POU3F1: variants seen among roughly 807,000 people sequenced by gnomAD.
POU3F1 encodes the protein POU domain, class 3, transcription factor 1.
POU3F1 carries 1 observed loss-of-function variant against 7.6 expected under a neutral mutation model. The observed-to-expected ratio is 0.13, with a 90% CI of 0.05 to 0.62. The LOEUF (loss-of-function observed/expected upper bound fraction) is 0.62. Ranked by LOEUF, POU3F1 falls within the 20% of genes least tolerant of loss-of-function variation. The pLI, the probability that POU3F1 is intolerant of heterozygous loss-of-function variation, is 0.87. For synonymous variants in POU3F1, 354 were observed against 339.0 expected, an observed-to-expected ratio of 1.04 and a Z score of -0.49; for missense variants, 505 against 679.3, an observed-to-expected ratio of 0.74 and a Z score of 2.85.
In POU3F1 at chr1:38,046,655, G is replaced by GCCT. The variant is rs1211966780; in HGVS notation, c.88_89insAGG (p.Ala29_Ala30insGlu). The GCCT allele has an allele frequency of 1.5e-6, 2 of 1,298,470 alleles. No individual in the cohort carries two copies. The highest frequency in any genetic ancestry group is 2.0e-6 in the Non-Finnish European group (2 of 1,021,368). The allele number at this position is 1,298,470 out of a possible 1,614,324, so 80.4% of individuals were successfully genotyped here. A position where few individuals can be genotyped will look rare whatever the true frequency, so the allele number is the denominator to read the frequency against. On this transcript the variant is annotated inframe_insertion, in exon 1 of 1. Coordinates refer to ENST00000373012, the MANE Select transcript of POU3F1 (RefSeq NM_002699.4). The surrounding 1 kb of genome is among the most constrained non-coding windows in gnomAD (Gnocchi z 9.5). ...CTCCGCGGCCGCCGCCGCCGCCGCC[G>GCCT]CCGCCGCGGCGTCCGGGTGCATAAG...
In POU3F1 at chr1:38,046,414, T is replaced by C; in HGVS notation, c.330A>G (p.Gly110=). The change falls in exon 1 of 1, where the codon GGA becomes GGG. Residue 110 remains glycine (G), a synonymous_variant. Transcript: ENST00000373012. This position sits in a 1 kb window ranked among gnomAD's most constrained non-coding sequence, Gnocchi z 9.5. ...GGTGCACCAGGCGCGCGTGGAAACCTCCGCCGCCGCCGCCGTCGTCGGCTC... is the reference window on the plus strand; with the variant it reads ...GGTGCACCAGGCGCGCGTGGAAACCCCCGCCGCCGCCGCCGTCGTCGGCTC... ...TGRADDGGGG[G]GFHARLVHQG... is the part of the protein sequence containing the mutation. 1 of 1,277,308 alleles carries C rather than the reference T, an allele frequency of 7.8e-7. No homozygotes were observed. The highest frequency in any genetic ancestry group is 9.9e-7 in the Non-Finnish European group (1 of 1,015,140). The allele number at this position is 1,277,308 out of a possible 1,614,324, so 79.1% of individuals were successfully genotyped here.
In POU3F1 at chr1:38,045,739, C is replaced by T. The variant is rs781035484; in HGVS notation, c.1005G>A (p.Ala335=). 1.2e-6 allele frequency: 2 copies of T among 1,613,412 alleles called. No individual in the cohort carries two copies. Among genetic ancestry groups the T allele is most frequent in the Non-Finnish European group, 1.7e-6 (2 of 1,179,782 alleles). ...GSPTNLDKIA[A]QGRKRKKRTS... ...TGCGCTTCTTGCGCTTGCGGCCCTG[C>T]GCCGCGATCTTGTCCAGGTTGGTGG... The change falls in exon 1 of 1, where the codon GCG becomes GCA. Residue 335 remains alanine (A), a synonymous_variant. Coordinates refer to ENST00000373012, the MANE Select transcript of POU3F1 (RefSeq NM_002699.4). This position sits in a 1 kb window ranked among gnomAD's most constrained non-coding sequence, Gnocchi z 9.4.
Position 38,046,612 on chromosome 1 carries a change from G to T in POU3F1, c.132C>A (p.Ala44=). 7.3e-7 allele frequency: 1 copy of T among 1,367,412 alleles called. No homozygotes were observed. Among genetic ancestry groups the T allele is most frequent in the Non-Finnish European group, 9.5e-7 (1 of 1,054,172 alleles). The allele number at this position is 1,367,412 out of a possible 1,614,324, so 84.7% of individuals were successfully genotyped here. Residue 44 remains alanine, a synonymous_variant, in exon 1 of 1, where the codon GCC becomes GCA. Transcript: ENST00000373012. This position sits in a 1 kb window ranked among gnomAD's most constrained non-coding sequence, Gnocchi z 9.5. ...TCAGCTTCTGCACTTCGCGGTACGC[G>T]GCCCCTGCATGCAATCGCTCCGCGG... is the stretch of plus-strand genomic sequence containing the variant. ...AAAAERLHAG[A]AYREVQKLMH...
rs1234699323 is a variant in POU3F1 at position 38,046,630 on chromosome 1, C to A, written c.114G>T (p.Glu38Asp). ...GGTACGCGGCCCCTGCATGCAATCGCTCCGCGGCCGCCGCCGCCGCCGCCG... is the reference window on the plus strand; with the variant it reads ...GGTACGCGGCCCCTGCATGCAATCGATCCGCGGCCGCCGCCGCCGCCGCCG... ...AAAAAAAAAA[E>D]RLHAGAAYRE... The change falls in exon 1 of 1, where the codon GAG becomes GAT. Residue 38 changes from glutamate (E) to aspartate (D), a missense_variant. Glu to Asp is a conservative substitution (Grantham distance 45). Around this residue, in one of 5 missense-constraint regions of POU3F1, gnomAD observed 361 missense variants for 382.1 expected, o/e 0.94. Coordinates refer to ENST00000373012, the MANE Select transcript of POU3F1 (RefSeq NM_002699.4). This position sits in a 1 kb window ranked among gnomAD's most constrained non-coding sequence, Gnocchi z 9.5. The A allele has an allele frequency of 7.5e-7, 1 of 1,335,624 alleles. No homozygotes were observed. The highest frequency in any genetic ancestry group is 9.6e-7 in the Non-Finnish European group (1 of 1,038,978). 82.7% of individuals were successfully genotyped at this position (1,335,624 alleles called of 1,614,324 possible). A position where few individuals can be genotyped will look rare whatever the true frequency, so the allele number is the denominator to read the frequency against.
rs950813442 is a variant in POU3F1, at chr1:38,044,262, C to T, written c.*1126G>A. ...CCCCAAACTTGGGGAATTTCTCTCC[C>T]GGCCTCCCCTGGCATCCCGCATCCC... On this transcript the variant is annotated 3_prime_UTR_variant, in exon 1 of 1. Coordinates refer to ENST00000373012, the MANE Select transcript of POU3F1 (RefSeq NM_002699.4). Among the ~76,000 whole-genome samples, 6 of 152,290 alleles carry T rather than the reference C, an allele frequency of 3.9e-5. No individual in the cohort carries two copies. Among genetic ancestry groups the T allele is most frequent in the Non-Finnish European group, 7.3e-5 (5 of 68,054 alleles).
Position 38,044,742 on chromosome 1 carries a change from CG to C in POU3F1, c.*645del, listed in dbSNP as rs1646848665. On this transcript the variant is annotated 3_prime_UTR_variant, in exon 1 of 1. Coordinates refer to ENST00000373012, the MANE Select transcript of POU3F1 (RefSeq NM_002699.4). ...TCTCGCGACCTCCCCTCCGGGGCCC[CG>C]ATAAATACAGTATACTGCGATTTAA... 1 of 152,182 alleles carries C rather than the reference CG, an allele frequency of 6.6e-6. No homozygotes were observed. The highest frequency in any genetic ancestry group is 2.4e-5 in the African/African-American group (1 of 41,368). The allele number at this position is 152,182 out of a possible 1,614,324, so 9.4% of individuals were successfully genotyped here.
chr1:38,046,435 G>C lies in POU3F1; in HGVS notation c.309C>G (p.Ala103=). Residue 103 remains alanine (A), a synonymous_variant, in exon 1 of 1, where the codon GCC becomes GCG. Coordinates refer to ENST00000373012, the MANE Select transcript of POU3F1 (RefSeq NM_002699.4). The surrounding 1 kb of genome is among the most constrained non-coding windows in gnomAD (Gnocchi z 9.5). ...AACCTCCGCCGCCGCCGCCGTCGTC[G>C]GCTCGGCCGGTGCCGCCGCCGCCTG... is the stretch of plus-strand genomic sequence containing the variant. ...GKAGGGGTGR[A]DDGGGGGGFH... The C allele has an allele frequency of 7.7e-7, 1 of 1,301,096 alleles. No individual in the cohort carries two copies. The highest frequency in any genetic ancestry group is 3.7e-5 in the Admixed American group (1 of 27,226). 80.6% of individuals were successfully genotyped at this position (1,301,096 alleles called of 1,614,324 possible).
Position 38,045,922 on chromosome 1 carries a change from G to A in POU3F1, c.822C>T (p.Ala274=). Residue 274 remains alanine, a synonymous_variant, in exon 1 of 1, where the codon GCC becomes GCT. Coordinates refer to ENST00000373012, the MANE Select transcript of POU3F1 (RefSeq NM_002699.4). The surrounding 1 kb of genome is among the most constrained non-coding windows in gnomAD (Gnocchi z 9.4). ...GCGTGCCCAGCGCCAGCCCCACGTC[G>A]GCCTGCGTAAAGCCCAGCTTGATGC... ...QRRIKLGFTQ[A]DVGLALGTLY... 17 of 1,613,596 alleles carry A rather than the reference G, an allele frequency of 1.1e-5. No homozygotes were observed. Among genetic ancestry groups the A allele is most frequent in the Non-Finnish European group, 1.3e-5 (15 of 1,179,972 alleles).
At position 38,046,211 on chromosome 1, in the gene POU3F1, G is replaced by A; in HGVS notation, c.533C>T (p.Ala178Val). The part of the protein sequence containing the change: ...GGGGLAGMLA[A>V]GGGGAGPGLH... ...GCCCGGCCCCGCGCCGCCACCGCCC[G>A]CCGCCAGCATCCCGGCCAGGCCGCC... Residue 178 changes from alanine (A) to valine (V), a missense_variant, in exon 1 of 1, where the codon GCG becomes GTG. By Grantham distance (64) the Ala-to-Val change is moderately conservative. Coordinates refer to ENST00000373012, the MANE Select transcript of POU3F1 (RefSeq NM_002699.4). This position sits in a 1 kb window ranked among gnomAD's most constrained non-coding sequence, Gnocchi z 9.5. 1 of 1,089,044 alleles carries A rather than the reference G, an allele frequency of 9.2e-7. No homozygotes were observed. The highest frequency in any genetic ancestry group is 1.1e-6 in the Non-Finnish European group (1 of 901,984). 67.5% of individuals were successfully genotyped at this position (1,089,044 alleles called of 1,614,324 possible).
Position 38,046,758 on chromosome 1 carries a change from T to TGCGCC in POU3F1, c.-20_-16dup, listed in dbSNP as rs1049457983. 45 of 980,496 alleles carry TGCGCC rather than the reference T, an allele frequency of 4.6e-5. No individual in the cohort carries two copies. In the Admixed American group the frequency reaches 1.6e-3, roughly 35 times the overall value. 60.7% of individuals were successfully genotyped at this position (980,496 alleles called of 1,614,324 possible). ...GTGGTGGCCATGCCGCCCCGCGCCC[T>TGCGCC]GCGCCGCGCCGCCGCCGCCGCTCCG... On this transcript the variant is annotated 5_prime_UTR_variant, in exon 1 of 1. Coordinates refer to ENST00000373012, the MANE Select transcript of POU3F1 (RefSeq NM_002699.4). This position sits in a 1 kb window ranked among gnomAD's most constrained non-coding sequence, Gnocchi z 9.5.
Position 38,045,473 on chromosome 1 carries a change from G to A in POU3F1, c.1271C>T (p.Ala424Val), listed in dbSNP as rs1296901726. ...CGGTGGGGGCGCGGAGGGTGGCGAT[G>A]CGCCGCCCCCGCCAGGCCCTAGCTC... ...PGELGPGGGG[A>V]SPPSAPPPPP... Residue 424 changes from alanine to valine, a missense_variant, in exon 1 of 1, where the codon GCA becomes GTA. Physicochemically the swap from Ala to Val is moderately conservative, Grantham distance 64. Transcript: ENST00000373012. This position sits in a 1 kb window ranked among gnomAD's most constrained non-coding sequence, Gnocchi z 9.4. The A allele has an allele frequency of 6.8e-7, 1 of 1,467,322 alleles. No homozygotes were observed. The highest frequency in any genetic ancestry group is 1.4e-5 in the South Asian group (1 of 70,860). The allele number at this position is 1,467,322 out of a possible 1,614,324, so 90.9% of individuals were successfully genotyped here. A position where few individuals can be genotyped will look rare whatever the true frequency, so the allele number is the denominator to read the frequency against.
Position 38,045,601 on chromosome 1 carries a change from C to T in POU3F1, c.1143G>A (p.Glu381=), listed in dbSNP as rs895145277. Residue 381 remains glutamate, a synonymous_variant, in exon 1 of 1, where the codon GAG becomes GAA. Coordinates refer to ENST00000373012, the MANE Select transcript of POU3F1 (RefSeq NM_002699.4). This position sits in a 1 kb window ranked among gnomAD's most constrained non-coding sequence, Gnocchi z 9.4. The part of the protein sequence containing the change: ...GLADSLQLEK[E]VVRVWFCNRR... Reference sequence around the variant, plus strand: ...GGTTGCAGAACCAGACGCGCACCACCTCCTTCTCCAGCTGCAGGCTGTCTG... The same window carrying T: ...GGTTGCAGAACCAGACGCGCACCACTTCCTTCTCCAGCTGCAGGCTGTCTG... 1.2e-6 allele frequency: 2 copies of T among 1,613,182 alleles called. No individual in the cohort carries two copies. The highest frequency in any genetic ancestry group is 1.7e-5 in the Admixed American group (1 of 59,924).
chr1:38,046,189 C>T lies in POU3F1; in HGVS notation c.555G>A (p.Pro185=). 8.7e-7 allele frequency: 1 copy of T among 1,145,194 alleles called. No homozygotes were observed. The highest frequency in any genetic ancestry group is 1.1e-6 in the Non-Finnish European group (1 of 936,498). The allele number at this position is 1,145,194 out of a possible 1,614,324, so 70.9% of individuals were successfully genotyped here. Reference sequence around the variant, plus strand: ...CCTCGTGCAGCGCGTGGTGCAGGCCCGGCCCCGCGCCGCCACCGCCCGCCG... The same window carrying T: ...CCTCGTGCAGCGCGTGGTGCAGGCCTGGCCCCGCGCCGCCACCGCCCGCCG... ...MLAAGGGGAG[P]GLHHALHEDG... The change falls in exon 1 of 1, where the codon CCG becomes CCA. Residue 185 remains proline (P), a synonymous_variant. Coordinates refer to ENST00000373012, the MANE Select transcript of POU3F1 (RefSeq NM_002699.4). This position sits in a 1 kb window ranked among gnomAD's most constrained non-coding sequence, Gnocchi z 9.5.
chr1:38,045,484 G>C lies in POU3F1; in HGVS notation c.1260C>G (p.Gly420=). Residue 420 remains glycine (G), a synonymous_variant, in exon 1 of 1, where the codon GGC becomes GGG. Coordinates refer to ENST00000373012, the MANE Select transcript of POU3F1 (RefSeq NM_002699.4). This position sits in a 1 kb window ranked among gnomAD's most constrained non-coding sequence, Gnocchi z 9.4. ...CGGAGGGTGGCGATGCGCCGCCCCC[G>C]CCAGGCCCTAGCTCCCCAGGCGCGT... ...DVYAPGELGP[G]GGGASPPSAP... is the part of the protein sequence containing the mutation. The C allele has an allele frequency of 1.3e-6, 2 of 1,504,236 alleles. No homozygotes were observed. The highest frequency in any genetic ancestry group is 1.8e-6 in the Non-Finnish European group (2 of 1,131,100). 93.2% of individuals were successfully genotyped at this position (1,504,236 alleles called of 1,614,324 possible).
Position 38,044,418 on chromosome 1 carries a change from GAGGGC to G in POU3F1, c.*965_*969del, listed in dbSNP as rs1476518568. Reference sequence around the variant, plus strand: ...TCCAAGTTTCGTTTGGTGTGGCCAGGAGGGCAGGGCCCCGCGGGGAGCAGGGGCCG... The same window carrying G: ...TCCAAGTTTCGTTTGGTGTGGCCAGGAGGGCCCCGCGGGGAGCAGGGGCCG... On this transcript the variant is annotated 3_prime_UTR_variant, in exon 1 of 1. Coordinates refer to ENST00000373012, the MANE Select transcript of POU3F1 (RefSeq NM_002699.4). 6.6e-6 allele frequency among the ~76,000 whole-genome samples: 1 copy of G among 152,256 alleles called. No homozygotes were observed. Among genetic ancestry groups the G allele is most frequent in the Non-Finnish European group, 1.5e-5 (1 of 68,040 alleles).
chr1:38,046,685 C>T lies in POU3F1; in HGVS notation c.59G>A (p.Gly20Glu). 8.3e-7 allele frequency: 1 copy of T among 1,206,058 alleles called. No individual in the cohort carries two copies. The highest frequency in any genetic ancestry group is 1.0e-6 in the Non-Finnish European group (1 of 976,416). 74.7% of individuals were successfully genotyped at this position (1,206,058 alleles called of 1,614,324 possible). The change falls in exon 1 of 1, where the codon GGG becomes GAG. Residue 20 changes from glycine to glutamate, a missense_variant. Physicochemically the swap from Gly to Glu is moderately conservative, Grantham distance 98 (BLOSUM62 -2). Around this residue, in one of 5 missense-constraint regions of POU3F1, gnomAD observed 361 missense variants for 382.1 expected, o/e 0.94. Coordinates refer to ENST00000373012, the MANE Select transcript of POU3F1 (RefSeq NM_002699.4). The surrounding 1 kb of genome is among the most constrained non-coding windows in gnomAD (Gnocchi z 9.5). ...RGPGGGAGGT[G>E]PLMHPDAAAA... Reference sequence around the variant, plus strand: ...CGCGGCGTCCGGGTGCATAAGCGGCCCGGTGCCCCCGGCTCCGCCACCGGG... The same window carrying T: ...CGCGGCGTCCGGGTGCATAAGCGGCTCGGTGCCCCCGGCTCCGCCACCGGG...
At position 38,046,516 on chromosome 1, in the gene POU3F1, C is replaced by G. The variant is rs761464617; in HGVS notation, c.228G>C (p.Thr76=). The G allele has an allele frequency of 5.9e-5, 82 of 1,386,464 alleles. No homozygotes were observed. Among genetic ancestry groups the G allele is most frequent in the Non-Finnish European group, 6.7e-5 (72 of 1,069,330 alleles). 85.9% of individuals were successfully genotyped at this position (1,386,464 alleles called of 1,614,324 possible). A position where few individuals can be genotyped will look rare whatever the true frequency, so the allele number is the denominator to read the frequency against. The change falls in exon 1 of 1, where the codon ACG becomes ACC. Residue 76 remains threonine, a synonymous_variant. Transcript: ENST00000373012. This position sits in a 1 kb window ranked among gnomAD's most constrained non-coding sequence, Gnocchi z 9.5. ...VGLAHPQWLP[T]GGGGGGDWAG... ...CCCAATCGCCGCCGCCGCCTCCTCC[C>G]GTGGGTAGCCACTGGGGGTGCGCTA...
Position 38,045,644 on chromosome 1 carries a change from T to A in POU3F1, c.1100A>T (p.His367Leu). 6.2e-7 allele frequency: 1 copy of A among 1,613,602 alleles called. No homozygotes were observed. The highest frequency in any genetic ancestry group is 8.5e-7 in the Non-Finnish European group (1 of 1,179,832). The change falls in exon 1 of 1, where the codon CAC becomes CTC. Residue 367 changes from histidine to leucine, a missense_variant. Physicochemically the swap from His to Leu is moderately conservative, Grantham distance 99. This residue lies in a region of POU3F1 where 24 missense variants were observed against 80.6 expected (regional missense o/e 0.30). Coordinates refer to ENST00000373012, the MANE Select transcript of POU3F1 (RefSeq NM_002699.4). This position sits in a 1 kb window ranked among gnomAD's most constrained non-coding sequence, Gnocchi z 9.4. Reference sequence around the variant, plus strand: ...GCTGTCTGCCAAGCCGGTGATCTCGTGCGCCGAGGGCTTGGGGCACTTGAG... The same window carrying A: ...GCTGTCTGCCAAGCCGGTGATCTCGAGCGCCGAGGGCTTGGGGCACTTGAG... ...HFLKCPKPSA[H>L]EITGLADSLQ...
At position 38,046,503 on chromosome 1, in the gene POU3F1, C is replaced by T; in HGVS notation, c.241G>A (p.Gly81Ser). 1 of 1,386,296 alleles carries T rather than the reference C, an allele frequency of 7.2e-7. No homozygotes were observed. The highest frequency in any genetic ancestry group is 9.4e-7 in the Non-Finnish European group (1 of 1,069,018). The allele number at this position is 1,386,296 out of a possible 1,614,324, so 85.9% of individuals were successfully genotyped here. A position where few individuals can be genotyped will look rare whatever the true frequency, so the allele number is the denominator to read the frequency against. ...TGCGGGCCGCCGGCCCAATCGCCGC[C>T]GCCGCCTCCTCCCGTGGGTAGCCAC... ...PQWLPTGGGGGGDWAGGPHLE... is the reference protein window; with the variant it reads ...PQWLPTGGGGSGDWAGGPHLE... Residue 81 changes from glycine to serine, a missense_variant, in exon 1 of 1, where the codon GGC (glycine) becomes AGC (serine). By Grantham distance (56) the Gly-to-Ser change is moderately conservative. Transcript: ENST00000373012. This position sits in a 1 kb window ranked among gnomAD's most constrained non-coding sequence, Gnocchi z 9.5.
Sources: allele counts gnomAD v4.1 joint callset (sites outside exome capture counted in the v4.1 genomes callset), GRCh38; gene constraint gnomAD v4.1.1; regional missense constraint gnomAD v4.1.1; non-coding constraint Gnocchi (gnomAD v3.1); transcripts MANE v1.5; gene names NCBI Gene and HGNC (gene_info 2026-07-23, HGNC 2026-07-21).